PALM2AKAP2: variants seen among roughly 807,000 people sequenced by gnomAD.
PALM2AKAP2 encodes PALM2-AKAP2 fusion protein.
Under a neutral mutation model 71.5 loss-of-function variants are expected in PALM2AKAP2, and 37 were observed. The observed-to-expected ratio is 0.52, with a 90% CI of 0.40 to 0.68. The LOEUF (loss-of-function observed/expected upper bound fraction) is 0.68. PALM2AKAP2 is among the 30% of genes least tolerant of loss of function. The probability of loss-of-function intolerance (pLI) is 0.00; values close to 1 mark genes in which losing one functional copy is unlikely to be tolerated. For synonymous variants in PALM2AKAP2, 468 were observed against 478.8 expected (o/e 0.98, Z 0.29); for missense variants, 1,224 against 1,191.8 (o/e 1.03, Z -0.40).
chr9:110,125,321 G>A (rs1244584782), intron 1 of PALM2AKAP2, among the ~76,000 whole-genome samples: 4 of 152,172 alleles, frequency 2.6e-5, no homozygotes, highest in Non-Finnish European at 5.9e-5. Context: ...AGCCTTGAGC[G>A]TGACAGGAGC....
chr9:109,867,232 T>C (rs771605499), intron 1 of PALM2AKAP2: 9 of 420,214 alleles, frequency 2.1e-5, no homozygotes, highest in Non-Finnish European at 3.2e-5. Context: ...AAACCGTCTT[T>C]TCTTTTGGAT....
At chr9:109,923,145 T>C (rs1564212529) in intron 3 of PALM2AKAP2, among the ~76,000 whole-genome samples, 1 of 152,110 alleles carries the variant, frequency 6.6e-6, no homozygotes, top group Non-Finnish European at 1.5e-5. Context: ...ATAAAATACA[T>C]AGGATGGCTG....
intron 1 of PALM2AKAP2, among the ~76,000 whole-genome samples, chr9:109,679,356 G>A (rs1311485838): frequency 6.6e-6 from 1 of 152,208 alleles, no homozygotes; most frequent in African/African-American, 2.4e-5. Context: ...CTTGGATCTG[G>A]TTCCTTCCCT....
At chr9:109,803,796 G>C (rs1023544546) in intron 1 of PALM2AKAP2, among the ~76,000 whole-genome samples, 1 of 152,194 alleles carries the variant, frequency 6.6e-6, no homozygotes, top group Non-Finnish European at 1.5e-5. Context: ...ACAGTGGCTT[G>C]AAATTCCTAG....
intron 1 of PALM2AKAP2, among the ~76,000 whole-genome samples, chr9:110,131,854 T>C (rs530267591): frequency 4.6e-5 from 7 of 152,254 alleles, no homozygotes; most frequent in South Asian, 4.1e-4. Context: ...TTGAGTGTCA[T>C]GAAGAATTTT....
intron 7 of PALM2AKAP2, among the ~76,000 whole-genome samples, chr9:110,027,480 C>A (rs1432570839): frequency 6.6e-6 from 1 of 152,206 alleles, no homozygotes; most frequent in Non-Finnish European, 1.5e-5. Flanking sequence ...AATTTTAGCA[C>A]AGCAGAATTT....
chr9:109,859,049 A>G (rs1220562754), intron 1 of PALM2AKAP2, among the ~76,000 whole-genome samples: 3 of 152,232 alleles, frequency 2.0e-5, no homozygotes, highest in Admixed American at 6.5e-5. Context: ...AATAGGCCAG[A>G]TATATTAACT....
At chr9:109,869,909 A>G (rs1829560882) in intron 2 of PALM2AKAP2, among the ~76,000 whole-genome samples, 1 of 152,072 alleles carries the variant, frequency 6.6e-6, no homozygotes, top group African/African-American at 2.4e-5. Context: ...GGTGATGGTA[A>G]CTTACTAAGT....
At chr9:110,035,360 A>T (rs993087476) in intron 7 of PALM2AKAP2, among the ~76,000 whole-genome samples, 9 of 142,882 alleles carry the variant, frequency 6.3e-5, no homozygotes, top group African/African-American at 1.0e-4. Context: ...TTATATGTAT[A>T]ATACATATTA....
intron 1 of PALM2AKAP2, among the ~76,000 whole-genome samples, chr9:110,105,082 G>A (rs1028625973): frequency 2.0e-5 from 3 of 152,202 alleles, no homozygotes; most frequent in Admixed American, 6.5e-5. Flanking sequence ...GCCAGAGGAC[G>A]AGGCTAGAAC....
At chr9:110,170,435 G>A (rs879438345) in exon 4 of PALM2AKAP2, 2 of 152,394 alleles carry the variant, frequency 1.3e-5, no homozygotes, top group Non-Finnish European at 2.9e-5. Context: ...GTTGACTTTG[G>A]GGGGGGACAT....
At chr9:109,728,310 C>T (rs543253516) in intron 1 of PALM2AKAP2, among the ~76,000 whole-genome samples, 17 of 152,198 alleles carry the variant, frequency 1.1e-4, no homozygotes, top group Non-Finnish European at 2.2e-4. Flanking sequence ...AACAGGGATG[C>T]AGAGTGGTTT....
intron 6 of PALM2AKAP2, among the ~76,000 whole-genome samples, chr9:109,958,364 G>A (rs1831786192): frequency 6.6e-6 from 1 of 152,160 alleles, no homozygotes. Flanking sequence ...ACAAAAACAT[G>A]ATGTGACAGA....
chr9:110,164,190 G>C (rs559802246), intron 3 of PALM2AKAP2, among the ~76,000 whole-genome samples: 1 of 152,212 alleles, frequency 6.6e-6, no homozygotes, highest in South Asian at 2.1e-4. Context: ...TCCCCTTTGA[G>C]TCCATTTAAA....
intron 1 of PALM2AKAP2, chr9:110,127,796 G>T (rs1422401589): frequency 1.3e-5 from 2 of 152,226 alleles, no homozygotes; most frequent in African/African-American, 4.8e-5. Context: ...AGTTTGCGCC[G>T]TTGAAGAGGG....
At chr9:110,125,982 G>A (rs1835596730) in intron 1 of PALM2AKAP2, among the ~76,000 whole-genome samples, 1 of 152,142 alleles carries the variant, frequency 6.6e-6, no homozygotes, top group South Asian at 2.1e-4. Context: ...CTGTCGCCTC[G>A]TTTCTTAGCC....
intron 1 of PALM2AKAP2, among the ~76,000 whole-genome samples, chr9:109,813,005 G>A (rs1827762969): frequency 6.6e-6 from 1 of 152,224 alleles, no homozygotes; most frequent in Non-Finnish European, 1.5e-5. Context: ...ATGAAGTGAG[G>A]TCAGCACAGA....
At chr9:109,844,550 T>C (rs1237903503) in intron 1 of PALM2AKAP2, among the ~76,000 whole-genome samples, 1 of 152,228 alleles carries the variant, frequency 6.6e-6, no homozygotes, top group Non-Finnish European at 1.5e-5. Flanking sequence ...AGCTGGGTAA[T>C]GAATAGATGG....
chr9:109,704,916 TGA>T (rs1433392805), intron 1 of PALM2AKAP2, among the ~76,000 whole-genome samples: 1 of 152,166 alleles, frequency 6.6e-6, no homozygotes, highest in Non-Finnish European at 1.5e-5. Context: ...TCCCACATGC[TGA>T]GAGTCAAGAG....
Sources: gnomAD v4.1 joint callset for allele counts (sites outside exome capture counted in the v4.1 genomes callset) on GRCh38, gnomAD v4.1.1 for gene constraint, MANE v1.5 for transcripts, NCBI Gene and HGNC (gene_info 2026-07-23, HGNC 2026-07-21) for gene names.